Variants in FSTL5 observed in about 807,000 individuals in gnomAD.
FSTL5 encodes follistatin like 5.
In FSTL5, 62 loss-of-function variants were observed where a neutral mutation model predicts 89.1. The observed-to-expected ratio is 0.70, with a 90% CI of 0.57 to 0.86. The LOEUF (loss-of-function observed/expected upper bound fraction) is 0.86, where lower values mean the gene tolerates loss of function less well. Ranked by LOEUF, FSTL5 falls within the 40% of genes least tolerant of loss-of-function variation. The pLI is 0.00. For missense variants in FSTL5, 1,057 were observed against 1,001.6 expected (o/e 1.06, Z -0.75); for synonymous variants, 383 against 346.2 (o/e 1.11, Z -1.18).
chr4:161,711,159 C>G (rs191824441), intron 6 of FSTL5, among the ~76,000 whole-genome samples: 1 of 151,180 alleles, frequency 6.6e-6, no homozygotes, highest in African/African-American at 2.4e-5. Context: ...GGGACAGGTA[C>G]GAGGAAATTA....
intron 7 of FSTL5, among the ~76,000 whole-genome samples, chr4:161,631,945 A>C (rs1236655011): frequency 6.6e-6 from 1 of 152,178 alleles, no homozygotes; most frequent in Non-Finnish European, 1.5e-5. Flanking sequence ...TTCTCATTTA[A>C]AGTTCCTTCA....
At chr4:161,447,852 A>G (rs183563322) in intron 15 of FSTL5, among the ~76,000 whole-genome samples, 1 of 152,232 alleles carries the variant, frequency 6.6e-6, no homozygotes, top group Non-Finnish European at 1.5e-5. Context: ...GCACATATAT[A>G]CACACAGGCA....
chr4:161,590,473 A>G (rs377256387), intron 7 of FSTL5, among the ~76,000 whole-genome samples: 15 of 152,190 alleles, frequency 9.9e-5, no homozygotes, highest in African/African-American at 3.6e-4. Flanking sequence ...CGAGAGGTGG[A>G]GGTTGCAGTG....
intron 8 of FSTL5, among the ~76,000 whole-genome samples, chr4:161,557,366 A>C (rs2126565822): frequency 6.6e-6 from 1 of 151,710 alleles, no homozygotes; most frequent in African/African-American, 2.4e-5. Flanking sequence ...AAATCTATAA[A>C]AAATTTCATG....
chr4:161,489,954 T>C (rs1729806938), intron 12 of FSTL5, among the ~76,000 whole-genome samples: 1 of 152,134 alleles, frequency 6.6e-6, no homozygotes, highest in African/African-American at 2.4e-5. Flanking sequence ...GTAGAATTCA[T>C]TTTCGCAGCC....
At chr4:162,022,254 A>G (rs903910593) in intron 3 of FSTL5, among the ~76,000 whole-genome samples, 1 of 152,066 alleles carries the variant, frequency 6.6e-6, no homozygotes, top group African/African-American at 2.4e-5. Context: ...TTAAAAAACC[A>G]CATCTATAGC....
chr4:162,053,603 T>A (rs971417434), intron 2 of FSTL5, among the ~76,000 whole-genome samples: 1 of 151,702 alleles, frequency 6.6e-6, no homozygotes, highest in African/African-American at 2.4e-5. Flanking sequence ...TATAAATTGA[T>A]AAGATGAAAA....
At chr4:161,754,891 T>C (rs1306372772) in intron 6 of FSTL5, among the ~76,000 whole-genome samples, 1 of 152,100 alleles carries the variant, frequency 6.6e-6, no homozygotes, top group Non-Finnish European at 1.5e-5. Context: ...TAAATTTGAA[T>C]TGGAAGACAA....
chr4:161,891,943 A>G (rs1733001733), intron 4 of FSTL5, among the ~76,000 whole-genome samples: 1 of 152,068 alleles, frequency 6.6e-6, no homozygotes, highest in African/African-American at 2.4e-5. Flanking sequence ...TCTCTTCAAA[A>G]TAAGTTTTTG....
rs563521141 is a variant in FSTL5, at chr4:161,900,311, A to G, written c.409+20093T>C. ...AAAACTAATACAGTGAATGAAGCAT[A>G]AAGAGCAACGGGAACAACTAAGGAA... is the stretch of plus-strand genomic sequence containing the variant. On this transcript the variant is annotated intron_variant, in intron 4 of 15. Coordinates refer to ENST00000306100, the MANE Select transcript of FSTL5 (RefSeq NM_020116.5). Among the ~76,000 whole-genome samples, 4 of 152,306 alleles carry G rather than the reference A, an allele frequency of 2.6e-5. No homozygotes were observed. The East Asian group carries it at 5.8e-4, about 22-fold the overall frequency.
intron 3 of FSTL5, among the ~76,000 whole-genome samples, chr4:161,934,321 G>A (rs1436267449): frequency 6.6e-6 from 1 of 152,034 alleles, no homozygotes; most frequent in Non-Finnish European, 1.5e-5. Context: ...TAGAAACTCA[G>A]GGGATCTTAA....
At chr4:162,131,588 A>G (rs928249879) in intron 1 of FSTL5, among the ~76,000 whole-genome samples, 1 of 152,198 alleles carries the variant, frequency 6.6e-6, no homozygotes, top group Non-Finnish European at 1.5e-5. Flanking sequence ...ATAGTAATCA[A>G]ATGGCACAAT....
intron 15 of FSTL5, among the ~76,000 whole-genome samples, chr4:161,400,830 TAA>T (rs916720952): frequency 1.3e-5 from 2 of 152,156 alleles, no homozygotes; most frequent in African/African-American, 4.8e-5. Context: ...AAAATTGGAA[TAA>T]ACTATTTCTC....
At chr4:161,562,982 T>C (rs1424524156) in intron 8 of FSTL5, among the ~76,000 whole-genome samples, 2 of 152,038 alleles carry the variant, frequency 1.3e-5, no homozygotes, top group Non-Finnish European at 2.9e-5. Flanking sequence ...CATAATGGTC[T>C]TCCTTTTTAA....
At chr4:162,153,796 T>C (rs539849664) in intron 1 of FSTL5, among the ~76,000 whole-genome samples, 1 of 87,820 alleles carries the variant, frequency 1.1e-5, no homozygotes, top group South Asian at 3.3e-4. Flanking sequence ...TATATGTATA[T>C]GTATATATAT....
intron 3 of FSTL5, among the ~76,000 whole-genome samples, chr4:161,945,317 C>T (rs1734704847): frequency 1.3e-5 from 2 of 152,174 alleles, no homozygotes; most frequent in Non-Finnish European, 2.9e-5. Context: ...TTATATGTTG[C>T]ATGCTATAGT....
At position 161,810,378 on chromosome 4, in the gene FSTL5, C is replaced by T. The variant is rs368403574; in HGVS notation, c.410-34304G>A. On this transcript the variant is annotated intron_variant, in intron 4 of 15. Transcript: ENST00000306100. ...TGAGTAAGATTATAATAAATACTAACATAATTAGAGAATGCAAGAGGGGAA... is the reference window on the plus strand; with the variant it reads ...TGAGTAAGATTATAATAAATACTAATATAATTAGAGAATGCAAGAGGGGAA... Among the ~76,000 whole-genome samples the T allele has an allele frequency of 4.6e-5, 7 of 151,972 alleles. No homozygotes were observed. In the East Asian group the frequency reaches 9.7e-4, roughly 21 times the overall value.
At chr4:162,009,099 T>C (rs138272682) in intron 3 of FSTL5, among the ~76,000 whole-genome samples, 1 of 152,218 alleles carries the variant, frequency 6.6e-6, no homozygotes, top group Non-Finnish European at 1.5e-5. Flanking sequence ...GTGTTCTCTT[T>C]TAGCAAAGCC....
chr4:161,854,086 C>T (rs1439514614), intron 4 of FSTL5, among the ~76,000 whole-genome samples: 2 of 152,002 alleles, frequency 1.3e-5, no homozygotes, highest in Non-Finnish European at 2.9e-5. Context: ...GTAGTAATAA[C>T]TTTAAAGGCA....
Sources: allele counts gnomAD v4.1 joint callset (sites outside exome capture counted in the v4.1 genomes callset), GRCh38; gene constraint gnomAD v4.1.1; transcripts MANE v1.5; gene names NCBI Gene and HGNC (gene_info 2026-07-23, HGNC 2026-07-21).